The following ATP10B variants were observed in gnomAD, a reference collection of about 807,000 sequenced individuals.
The protein encoded by ATP10B is phospholipid-transporting ATPase VB.
ATP10B carries 122 observed loss-of-function variants against 141.2 expected under a neutral mutation model. The observed-to-expected ratio is 0.86, with a 90% CI of 0.75 to 1.00. ATP10B has a LOEUF of 1.00. Ranked by LOEUF, ATP10B falls within the 50% of genes least tolerant of loss-of-function variation. The probability of loss-of-function intolerance (pLI) is 0.00; values close to 1 mark genes in which losing one functional copy is unlikely to be tolerated. For missense variants in ATP10B, 1,876 were observed against 1,825.3 expected (o/e 1.03, Z -0.51); for synonymous variants, 685 against 692.0 (o/e 0.99, Z 0.16).
At chr5:160,911,776 A>G in the ATP10B span, among the ~76,000 whole-genome samples, 2 of 152,212 alleles carry the variant, frequency 1.3e-5, no homozygotes, top group Admixed American at 1.3e-4. Flanking sequence ...ATCCACCTGC[A>G]GGGACCATCT....
intron 17 of ATP10B, among the ~76,000 whole-genome samples, chr5:160,613,226 A>G (rs1480995174): frequency 2.6e-5 from 4 of 152,218 alleles, no homozygotes; most frequent in Admixed American, 6.5e-5. Context: ...AGGAAGTGCT[A>G]CTTAAACTGA....
chr5:160,678,004 A>G (rs1049126172), intron 6 of ATP10B, among the ~76,000 whole-genome samples: 21 of 152,220 alleles, frequency 1.4e-4, no homozygotes, highest in African/African-American at 4.6e-4. Context: ...TATGAGCCAG[A>G]TGAGGCCACC....
At chr5:160,662,508 T>A (rs1467863860) in intron 7 of ATP10B, among the ~76,000 whole-genome samples, 1 of 152,186 alleles carries the variant, frequency 6.6e-6, no homozygotes, top group Non-Finnish European at 1.5e-5. Context: ...TACAACTATC[T>A]GATCTTTGAC....
In ATP10B at chr5:160,842,622, A is replaced by C. The variant is rs191504203; in HGVS notation, c.-576+9319T>G. Among the ~76,000 whole-genome samples the C allele has an allele frequency of 3.9e-3, 600 of 152,176 alleles. 4 individuals are homozygous for C. The highest frequency in any genetic ancestry group is 0.014 in the African/African-American group (566 of 41,578). On this transcript the variant is annotated intron_variant, in intron 1 of 25. Coordinates refer to ENST00000327245, the MANE Select transcript of ATP10B (RefSeq NM_025153.3). ...AAGGAATATTAAAAATTCAACTGATATTTTAAAAATAATACCATTGGAAGA... is the reference window on the plus strand; with the variant it reads ...AAGGAATATTAAAAATTCAACTGATCTTTTAAAAATAATACCATTGGAAGA...
intron 3 of ATP10B, 74 bp from the exon 4 acceptor site, chr5:160,689,017 A>C: frequency 1.2e-6 from 1 of 835,792 alleles, no homozygotes; most frequent in Non-Finnish European, 1.4e-6. Flanking sequence ...GCACATCAAA[A>C]AGCTTGTCCA....
the ATP10B span, among the ~76,000 whole-genome samples, chr5:160,915,493 A>C: frequency 1.3e-5 from 2 of 151,516 alleles, no homozygotes; most frequent in African/African-American, 4.9e-5. Flanking sequence ...CACCACACCC[A>C]CCTAATTTTT....
chr5:160,580,178 C>T (rs1755453839), intron 24 of ATP10B, among the ~76,000 whole-genome samples: 1 of 152,162 alleles, frequency 6.6e-6, no homozygotes, highest in African/African-American at 2.4e-5. Flanking sequence ...ATTGCCCTGG[C>T]CAGAACTTCC....
intron 2 of ATP10B, among the ~76,000 whole-genome samples, chr5:160,758,446 A>G (rs926347478): frequency 1.3e-5 from 2 of 152,190 alleles, no homozygotes; most frequent in South Asian, 4.1e-4. Flanking sequence ...ATACATCCCT[A>G]TATCAGAAGG....
At chr5:160,818,781 A>T (rs1008469521) in intron 1 of ATP10B, among the ~76,000 whole-genome samples, 3 of 152,234 alleles carry the variant, frequency 2.0e-5, no homozygotes, top group Non-Finnish European at 4.4e-5. Context: ...TGGATTAAGA[A>T]AATGTGGCAC....
chr5:160,614,981 C>T (rs1757916682), intron 17 of ATP10B, among the ~76,000 whole-genome samples: 1 of 152,170 alleles, frequency 6.6e-6, no homozygotes, highest in African/African-American at 2.4e-5. Flanking sequence ...ATAAAGCTCC[C>T]CTTGCTTCTT....
chr5:160,770,418 T>TTTA (rs1554114189), intron 2 of ATP10B, among the ~76,000 whole-genome samples: 1 of 151,930 alleles, frequency 6.6e-6, no homozygotes, highest in East Asian at 1.9e-4. Flanking sequence ...CCCTGGTATA[T>TTTA]TTTCGTTTTA....
intron 24 of ATP10B, among the ~76,000 whole-genome samples, chr5:160,574,322 T>A (rs574224067): frequency 6.6e-6 from 1 of 152,262 alleles, no homozygotes; most frequent in South Asian, 2.1e-4. Flanking sequence ...TAATCCCAGC[T>A]GCTTGGGAGG....
Position 160,615,984 on chromosome 5 carries a change from T to G in ATP10B, c.2527-20A>C. ...TACAACCTATGGGATGGGAAAAGGC[T>G]CCTTAACAATCTTGGGTGGACCAAC... is the stretch of plus-strand genomic sequence containing the variant. On this transcript the variant is annotated intron_variant, in intron 16 of 25. Coordinates refer to ENST00000327245, the MANE Select transcript of ATP10B (RefSeq NM_025153.3). 4 of 1,605,726 alleles carry G rather than the reference T, an allele frequency of 2.5e-6. No individual in the cohort carries two copies. The highest frequency in any genetic ancestry group is 3.4e-6 in the Non-Finnish European group (4 of 1,173,352).
chr5:160,908,254 G>T, the ATP10B span, among the ~76,000 whole-genome samples: 11 of 152,028 alleles, frequency 7.2e-5, no homozygotes, highest in Middle Eastern at 3.2e-3. Context: ...CCAAGTCCTC[G>T]CCTGGTTCTC....
the ATP10B span, among the ~76,000 whole-genome samples, chr5:160,886,052 C>A: frequency 3.9e-5 from 6 of 152,152 alleles, no homozygotes; most frequent in African/African-American, 1.2e-4. Context: ...GAATCAGATT[C>A]TTTTCCATGA....
intron 21 of ATP10B, 21 bp from the exon 22 acceptor site, chr5:160,598,991 C>T (rs1303379037): frequency 1.2e-6 from 2 of 1,611,806 alleles, no homozygotes; most frequent in East Asian, 2.2e-5. Context: ...AGAGCATGGC[C>T]TTGTGAGTGG....
At chr5:160,862,009 G>C in the ATP10B span, among the ~76,000 whole-genome samples, 2 of 151,900 alleles carry the variant, frequency 1.3e-5, no homozygotes, top group Admixed American at 6.6e-5. Context: ...TATGCATTCA[G>C]TGTTTTGTGC....
intron 2 of ATP10B, among the ~76,000 whole-genome samples, chr5:160,730,175 T>C (rs1766642244): frequency 6.6e-6 from 1 of 152,122 alleles, no homozygotes; most frequent in Non-Finnish European, 1.5e-5. Flanking sequence ...CACAGTGAGT[T>C]TACCTATTCT....
chr5:160,792,288 A>C (rs1561858428), intron 1 of ATP10B, among the ~76,000 whole-genome samples: 1 of 152,132 alleles, frequency 6.6e-6, no homozygotes, highest in African/African-American at 2.4e-5. Context: ...AACTCAATAT[A>C]TGCGTGACAT....
Sources: gnomAD v4.1 joint callset for allele counts (sites outside exome capture counted in the v4.1 genomes callset) on GRCh38, gnomAD v4.1.1 for gene constraint, MANE v1.5 for transcripts, NCBI Gene and HGNC (gene_info 2026-07-23, HGNC 2026-07-21) for gene names.